MOB3B: variants seen among roughly 807,000 people sequenced by gnomAD.
The protein encoded by MOB3B is MOB kinase activator 3B.
A neutral mutation model predicts 18.7 loss-of-function variants in MOB3B; 7 were observed. The ratio of observed to expected loss-of-function variants is 0.37; its 90% confidence interval spans 0.21 to 0.70. MOB3B has a LOEUF of 0.70. MOB3B is among the 30% of genes least tolerant of loss of function. The pLI is 0.52. For synonymous variants in MOB3B, 111 were observed against 99.9 expected (o/e 1.11, Z -0.66); for missense variants, 253 against 281.3 (o/e 0.90, Z 0.72).
At chr9:27,348,116 A>C (rs1438204684) in intron 3 of MOB3B, among the ~76,000 whole-genome samples, 1 of 152,180 alleles carries the variant, frequency 6.6e-6, no homozygotes, top group African/African-American at 2.4e-5. Flanking sequence ...GCTTCTTTCA[A>C]GGAAGGGGAG....
intron 1 of MOB3B, among the ~76,000 whole-genome samples, chr9:27,497,683 C>G (rs1819921593): frequency 6.6e-6 from 1 of 151,734 alleles, no homozygotes; most frequent in Admixed American, 6.6e-5. Flanking sequence ...TTACTTATTC[C>G]TTTCTCTTAG....
Position 27,417,129 on chromosome 9 carries a change from C to T in MOB3B, c.418+38004G>A, listed in dbSNP as rs887550612. 1.6e-4 allele frequency among the ~76,000 whole-genome samples: 25 copies of T among 152,170 alleles called. 1 individual carries two copies. Among genetic ancestry groups the T allele is most frequent in the African/African-American group, 5.8e-4 (24 of 41,526 alleles). On this transcript the variant is annotated intron_variant, in intron 2 of 3. Transcript: ENST00000262244. ...CTGTAATCCCAGCACTTTGGGAGGCCGAGGCAGGTGGATCACGAGGTGAGG... is the reference window on the plus strand; with the variant it reads ...CTGTAATCCCAGCACTTTGGGAGGCTGAGGCAGGTGGATCACGAGGTGAGG...
chr9:27,509,480 G>A (rs189841920), intron 1 of MOB3B, among the ~76,000 whole-genome samples: 4 of 152,084 alleles, frequency 2.6e-5, no homozygotes, highest in African/African-American at 7.2e-5. Context: ...GCAGAGGTGC[G>A]ATCTCGGCTC....
At chr9:27,473,978 T>C (rs183576629) in intron 1 of MOB3B, among the ~76,000 whole-genome samples, 2 of 152,178 alleles carry the variant, frequency 1.3e-5, no homozygotes, top group Admixed American at 1.3e-4. Flanking sequence ...GAAAGCTTTC[T>C]ACCCTCAAGA....
In MOB3B at chr9:27,524,190, A is replaced by G; in HGVS notation, c.-199+5365T>C. The G allele has an allele frequency of 3.2e-6, 2 of 629,572 alleles. 1 individual carries two copies. 39.0% of individuals were successfully genotyped at this position (629,572 alleles called of 1,614,324 possible). The stretch of plus-strand genomic sequence containing the variant: ...AAAAAAAGCCTCAGAGGCAAAGGAA[A>G]GGGGCCGCAACCTTGGTTAACTGTG... On this transcript the variant is annotated intron_variant, in intron 1 of 3. Transcript: ENST00000262244.
Position 27,517,317 on chromosome 9 carries a change from T to C in MOB3B, c.-199+12238A>G, listed in dbSNP as rs1011045813. ...AGATGATGATGATAACTATCATTTA[T>C]TGTCCACATTCTATATTTACACAGT... On this transcript the variant is annotated intron_variant, in intron 1 of 3. Coordinates refer to ENST00000262244, the MANE Select transcript of MOB3B (RefSeq NM_024761.5). 2.0e-5 allele frequency among the ~76,000 whole-genome samples: 3 copies of C among 152,264 alleles called. No individual in the cohort carries two copies. In the East Asian group the frequency reaches 5.8e-4, roughly 29 times the overall value.
At chr9:27,332,295 G>T (rs1820800940) in intron 3 of MOB3B, among the ~76,000 whole-genome samples, 1 of 152,146 alleles carries the variant, frequency 6.6e-6, no homozygotes, top group African/African-American at 2.4e-5. Flanking sequence ...CCAGCTTTTG[G>T]CTTAACTCTT....
intron 1 of MOB3B, among the ~76,000 whole-genome samples, chr9:27,488,944 C>T (rs1236625287): frequency 6.6e-6 from 1 of 152,162 alleles, no homozygotes; most frequent in African/African-American, 2.4e-5. Context: ...CAGAATTGTT[C>T]CTACTTATTC....
chr9:27,416,550 T>C (rs907876371), intron 2 of MOB3B, among the ~76,000 whole-genome samples: 1 of 58,558 alleles, frequency 1.7e-5, no homozygotes, highest in African/African-American at 9.0e-5. Context: ...TTTAATTTTT[T>C]TTTTTTTTTT....
intron 3 of MOB3B, among the ~76,000 whole-genome samples, chr9:27,340,200 G>A (rs1054520722): frequency 1.3e-5 from 2 of 152,102 alleles, no homozygotes; most frequent in Non-Finnish European, 2.9e-5. Context: ...GGAGGGGTGC[G>A]TGTGTGTGAA....
At chr9:27,513,648 C>T (rs1339315796) in intron 1 of MOB3B, among the ~76,000 whole-genome samples, 1 of 152,176 alleles carries the variant, frequency 6.6e-6, no homozygotes, top group East Asian at 1.9e-4. Flanking sequence ...GTCCAAAATG[C>T]TCCCTTCCAG....
At chr9:27,336,333 G>C (rs575062620) in intron 3 of MOB3B, among the ~76,000 whole-genome samples, 33 of 152,246 alleles carry the variant, frequency 2.2e-4, no homozygotes, top group African/African-American at 6.5e-4. Flanking sequence ...ATGGATAAGG[G>C]GGGGGAAGAG....
chr9:27,460,379 A>G (rs1819267399), intron 1 of MOB3B, among the ~76,000 whole-genome samples: 1 of 152,256 alleles, frequency 6.6e-6, no homozygotes, highest in African/African-American at 2.4e-5. Flanking sequence ...AAAAACATGC[A>G]GAGAGAATTC....
intron 2 of MOB3B, among the ~76,000 whole-genome samples, chr9:27,414,522 C>T (rs1465658616): frequency 6.6e-6 from 1 of 152,210 alleles, no homozygotes; most frequent in Admixed American, 6.5e-5. Context: ...CTGTGCACAG[C>T]TAATATGAGG....
chr9:27,502,138 A>C (rs964524401), intron 1 of MOB3B, among the ~76,000 whole-genome samples: 4 of 152,168 alleles, frequency 2.6e-5, no homozygotes, highest in African/African-American at 9.7e-5. Flanking sequence ...TGCTAAGCAT[A>C]GTGCTGCATG....
chr9:27,512,061 C>T (rs1426351344), intron 1 of MOB3B, among the ~76,000 whole-genome samples: 1 of 152,136 alleles, frequency 6.6e-6, no homozygotes, highest in African/African-American at 2.4e-5. Context: ...ATGCTCCTGC[C>T]CCTTTGCTCC....
chr9:27,504,609 G>A (rs1218737298), intron 1 of MOB3B, among the ~76,000 whole-genome samples: 1 of 152,148 alleles, frequency 6.6e-6, no homozygotes, highest in Non-Finnish European at 1.5e-5. Flanking sequence ...CTAGCCAGAG[G>A]GTGGTTATGG....
At chr9:27,442,234 A>G (rs1002626209) in intron 2 of MOB3B, among the ~76,000 whole-genome samples, 6 of 152,202 alleles carry the variant, frequency 3.9e-5, no homozygotes, top group Non-Finnish European at 5.9e-5. Context: ...CAGGATTTTC[A>G]GTAATTTTTA....
chr9:27,440,729 C>CT (rs140359435), intron 2 of MOB3B, among the ~76,000 whole-genome samples: 26,543 of 142,962 alleles, frequency 0.19, 2,565 homozygotes, highest in Middle Eastern at 0.26. Flanking sequence ...TCAGAAGATT[C>CT]ATTTTTTTTT....
Sources: allele counts gnomAD v4.1 joint callset (sites outside exome capture counted in the v4.1 genomes callset), GRCh38; gene constraint gnomAD v4.1.1; transcripts MANE v1.5; gene names NCBI Gene and HGNC (gene_info 2026-07-23, HGNC 2026-07-21).